MICU1: variants seen among roughly 807,000 people sequenced by gnomAD.
MICU1 encodes the protein mitochondrial calcium uptake 1.
Under a neutral mutation model 56.8 loss-of-function variants are expected in MICU1, and 45 were observed. The ratio of observed to expected loss-of-function variants is 0.79; its 90% confidence interval spans 0.62 to 1.02. The LOEUF is 1.02. Among genes scored for constraint, MICU1 ranks in the 50% least tolerant of loss-of-function variants. MICU1 has a pLI of 0.00. For missense variants in MICU1, 504 were observed against 587.1 expected (o/e 0.86, Z 1.46); for synonymous variants, 186 against 195.1 (o/e 0.95, Z 0.39).
At chr10:72,398,124 G>C (rs904137493) in intron 10 of MICU1, among the ~76,000 whole-genome samples, 13 of 152,130 alleles carry the variant, frequency 8.5e-5, no homozygotes, top group Non-Finnish European at 1.5e-4. Flanking sequence ...TTAGAACTCA[G>C]GATTAAGAAA....
chr10:72,440,889 G>A (rs1864899621), intron 8 of MICU1, among the ~76,000 whole-genome samples: 1 of 152,094 alleles, frequency 6.6e-6, no homozygotes, highest in Non-Finnish European at 1.5e-5. Context: ...TCATTAAAAA[G>A]TCAGGAAACA....
intron 1 of MICU1, among the ~76,000 whole-genome samples, chr10:72,610,011 G>A (rs911376383): frequency 5.9e-5 from 9 of 151,588 alleles, no homozygotes; most frequent in Admixed American, 5.9e-4. Flanking sequence ...CTCCAAGCCT[G>A]AGCGACAGAG....
At chr10:72,617,414 G>T (rs934351202) in intron 1 of MICU1, among the ~76,000 whole-genome samples, 2 of 152,034 alleles carry the variant, frequency 1.3e-5, no homozygotes, top group African/African-American at 4.8e-5. Flanking sequence ...TCTGTGAGGG[G>T]TACTATGCTA....
intron 1 of MICU1, among the ~76,000 whole-genome samples, chr10:72,597,718 A>T (rs1564954914): frequency 6.6e-6 from 1 of 152,188 alleles, no homozygotes; most frequent in Non-Finnish European, 1.5e-5. Context: ...AGGTTATTTT[A>T]TACAACATTT....
chr10:72,449,423 AG>A (rs1814166591), intron 8 of MICU1, among the ~76,000 whole-genome samples: 1 of 152,054 alleles, frequency 6.6e-6, no homozygotes, highest in Non-Finnish European at 1.5e-5. Context: ...TTTTTGGTAA[AG>A]ACAGGGTCTC....
chr10:72,377,976 G>A (rs1038039736), intron 10 of MICU1, among the ~76,000 whole-genome samples: 6 of 152,192 alleles, frequency 3.9e-5, no homozygotes, highest in Admixed American at 2.0e-4. Context: ...CAGGCCAGGC[G>A]TGGTGGCTTA....
intron 9 of MICU1, among the ~76,000 whole-genome samples, chr10:72,413,090 G>C (rs902648467): frequency 6.6e-6 from 1 of 151,622 alleles, no homozygotes; most frequent in East Asian, 1.9e-4. Context: ...CCAGCTACTC[G>C]GGAGGCTGAG....
intron 5 of MICU1, among the ~76,000 whole-genome samples, chr10:72,532,242 C>T (rs1205225919): frequency 5.3e-5 from 8 of 150,946 alleles, no homozygotes; most frequent in Admixed American, 5.3e-4. Flanking sequence ...GGTGCAAACC[C>T]GGGAGGTGGA....
chr10:72,461,111 G>A (rs982545981), intron 8 of MICU1, among the ~76,000 whole-genome samples: 1 of 152,088 alleles, frequency 6.6e-6, no homozygotes, highest in Non-Finnish European at 1.5e-5. Flanking sequence ...GTCTTGTCTT[G>A]CTCCCTAATT....
intron 5 of MICU1, among the ~76,000 whole-genome samples, chr10:72,530,372 A>AATAATAATAATAATAATG (rs538954555): frequency 0.064 from 9,263 of 143,896 alleles, 480 homozygotes; most frequent in Middle Eastern, 0.11. Context: ...TAATAATAAT[A>AATAATAATAATAATAATG]ATGCCAGAAT....
At position 72,435,611 on chromosome 10, in the gene MICU1, G is replaced by T. The variant is rs181983028; in HGVS notation, c.934-12240C>A. On this transcript the variant is annotated intron_variant, in intron 8 of 11. Coordinates refer to ENST00000361114, the MANE Select transcript of MICU1 (RefSeq NM_001195518.2). ...GTGTCACCTCACCTGGGAAGTGCAA[G>T]GGGTTGGGGGATTTCCCTTTCCTAG... 2.7e-3 allele frequency among the ~76,000 whole-genome samples: 404 copies of T among 152,338 alleles called. 4 individuals carry two copies. The highest frequency in any genetic ancestry group is 9.3e-3 in the African/African-American group (387 of 41,586).
intron 5 of MICU1, among the ~76,000 whole-genome samples, chr10:72,513,500 C>T (rs1200475491): frequency 6.6e-6 from 1 of 152,152 alleles, no homozygotes; most frequent in Non-Finnish European, 1.5e-5. Flanking sequence ...TTCTCCTATT[C>T]TGTGTGTTGC....
At chr10:72,446,174 T>C (rs773817734) in intron 8 of MICU1, among the ~76,000 whole-genome samples, 8 of 152,156 alleles carry the variant, frequency 5.3e-5, no homozygotes, top group Admixed American at 1.3e-4. Flanking sequence ...CAATATTGTA[T>C]GGAAAAACAT....
At chr10:72,464,890 A>G (rs1408977582) in intron 8 of MICU1, among the ~76,000 whole-genome samples, 1 of 152,202 alleles carries the variant, frequency 6.6e-6, no homozygotes, top group African/African-American at 2.4e-5. Context: ...ACCTGATCTC[A>G]TCAGGGCAAG....
intron 1 of MICU1, among the ~76,000 whole-genome samples, chr10:72,572,012 TAA>T (rs567595390): frequency 2.2e-5 from 3 of 138,766 alleles, no homozygotes; most frequent in Admixed American, 7.2e-5. Flanking sequence ...GGTACTATGG[TAA>T]AAAAAAAAAA....
At chr10:72,591,554 T>C (rs1291830259) in intron 1 of MICU1, among the ~76,000 whole-genome samples, 2 of 152,074 alleles carry the variant, frequency 1.3e-5, no homozygotes, top group Admixed American at 1.3e-4. Flanking sequence ...TTACTACAGA[T>C]TTTACAGAAA....
At chr10:72,370,168 G>A (rs928194164) in intron 11 of MICU1, among the ~76,000 whole-genome samples, 11 of 152,072 alleles carry the variant, frequency 7.2e-5, no homozygotes, top group Non-Finnish European at 1.3e-4. Context: ...GAGACACTGC[G>A]CCTGGCCAAG....
intron 1 of MICU1, among the ~76,000 whole-genome samples, chr10:72,603,193 C>G (rs1480165966): frequency 9.9e-5 from 15 of 151,436 alleles, no homozygotes; most frequent in Non-Finnish European, 7.4e-5. Flanking sequence ...TCGAGACCAG[C>G]CTGGTCAACA....
intron 5 of MICU1, among the ~76,000 whole-genome samples, chr10:72,526,038 AT>A (rs1439906716): frequency 6.6e-6 from 1 of 152,192 alleles, no homozygotes; most frequent in African/African-American, 2.4e-5. Context: ...GATACTCAAA[AT>A]GGAAATGCCT....
Sources: allele counts gnomAD v4.1 joint callset (sites outside exome capture counted in the v4.1 genomes callset), GRCh38; gene constraint gnomAD v4.1.1; transcripts MANE v1.5; gene names NCBI Gene and HGNC (gene_info 2026-07-23, HGNC 2026-07-21).